ZFP30: variants seen among roughly 807,000 people sequenced by gnomAD.
ZFP30 encodes zinc finger protein 30 homolog.
In ZFP30, 16 loss-of-function variants were observed where a neutral mutation model predicts 12.3. The ratio of observed to expected loss-of-function variants is 1.30; its 90% confidence interval spans 0.88 to 1.98. The LOEUF (loss-of-function observed/expected upper bound fraction) is 1.98. ZFP30 is among the 30% of genes most tolerant of loss of function. ZFP30 has a pLI of 0.00. For missense variants in ZFP30, 560 were observed against 611.2 expected (o/e 0.92, Z 0.88); for synonymous variants, 172 against 201.0 (o/e 0.86, Z 1.22).
At chr19:37,652,576 T>A (rs954870535) in intron 2 of ZFP30, among the ~76,000 whole-genome samples, 4 of 151,912 alleles carry the variant, frequency 2.6e-5, no homozygotes, top group Non-Finnish European at 4.4e-5. Context: ...CTCAAAAAAA[T>A]AAATAAATAA....
rs185452982 is a variant in ZFP30 at position 37,649,541 on chromosome 19, A to T, written c.-77-1642T>A. On this transcript the variant is annotated intron_variant, in intron 2 of 5. Transcript: ENST00000684514. ...TTATCATGCATTCACACAATGGAAA[A>T]TTAAACAGCCGAGTGCAGTGGCTCA... Among the ~76,000 whole-genome samples, 425 of 152,308 alleles carry T rather than the reference A, an allele frequency of 2.8e-3. 3 individuals are homozygous for T. The highest frequency in any genetic ancestry group is 9.8e-3 in the African/African-American group (408 of 41,574).
At chr19:37,650,206 C>T (rs1413738262) in intron 2 of ZFP30, among the ~76,000 whole-genome samples, 1 of 151,902 alleles carries the variant, frequency 6.6e-6, no homozygotes. Context: ...GCAACCTCCA[C>T]TTCCAGGGCT....
rs2147245816 is a variant in ZFP30 at position 37,631,737 on chromosome 19, A to G, written c.*3244T>C. On this transcript the variant is annotated 3_prime_UTR_variant, in exon 6 of 6. Transcript: ENST00000684514. ...TGAATTGAGATGATACTGGGCCAGA[A>G]TCGTATCTCTTTTACTATCATTATG... 6.6e-6 allele frequency: 1 copy of G among 151,880 alleles called. No homozygotes were observed. The highest frequency in any genetic ancestry group is 1.9e-4 in the East Asian group (1 of 5,174). 9.4% of individuals were successfully genotyped at this position (151,880 alleles called of 1,614,324 possible). A position where few individuals can be genotyped will look rare whatever the true frequency, so the allele number is the denominator to read the frequency against.
At chr19:37,643,785 T>A (rs1348131090) in intron 4 of ZFP30, among the ~76,000 whole-genome samples, 1 of 152,258 alleles carries the variant, frequency 6.6e-6, no homozygotes, top group Non-Finnish European at 1.5e-5. Context: ...TTTTTGATTT[T>A]TTTTTTAAAG....
chr19:37,652,503 G>C (rs2044671316), intron 2 of ZFP30, among the ~76,000 whole-genome samples: 1 of 152,192 alleles, frequency 6.6e-6, no homozygotes, highest in East Asian at 1.9e-4. Context: ...GGGAGGCGGA[G>C]GTTGCAGTGG....
Position 37,634,916 on chromosome 19 carries a change from C to A in ZFP30, c.*65G>T. On this transcript the variant is annotated 3_prime_UTR_variant, in exon 6 of 6. Coordinates refer to ENST00000684514, the MANE Select transcript of ZFP30 (RefSeq NM_001320669.3). ...AAAAGGGATTCCCACGTTCAAAAACCTTTCCTCTAGAATGTACTTCCTATG... is the reference window on the plus strand; with the variant it reads ...AAAAGGGATTCCCACGTTCAAAAACATTTCCTCTAGAATGTACTTCCTATG... 6.9e-7 allele frequency: 1 copy of A among 1,448,228 alleles called. No homozygotes were observed. Among genetic ancestry groups the A allele is most frequent in the Non-Finnish European group, 9.1e-7 (1 of 1,101,690 alleles). The allele number at this position is 1,448,228 out of a possible 1,614,324, so 89.7% of individuals were successfully genotyped here.
chr19:37,652,876 G>C (rs2044679246), intron 2 of ZFP30, among the ~76,000 whole-genome samples: 1 of 152,012 alleles, frequency 6.6e-6, no homozygotes, highest in Non-Finnish European at 1.5e-5. Context: ...CCAACACTTT[G>C]GGAGGCCGAG....
At chr19:37,644,831 T>C in intron 3 of ZFP30, 95 bp from the exon 4 acceptor site, 1 of 1,297,134 alleles carries the variant, frequency 7.7e-7, no homozygotes, top group Non-Finnish European at 1.0e-6. Context: ...ATGCTTATAA[T>C]TCTAGCTTTG....
rs2044251912 is a variant in ZFP30, at chr19:37,632,701, T to G, written c.*2280A>C. 6.6e-6 allele frequency: 1 copy of G among 152,222 alleles called. No individual in the cohort carries two copies. The highest frequency in any genetic ancestry group is 2.4e-5 in the African/African-American group (1 of 41,454). The allele number at this position is 152,222 out of a possible 1,614,324, so 9.4% of individuals were successfully genotyped here. ...TTTTAAAATAACTAAGTCTTCAGAA[T>G]CTTGTGTTTTACAAAAAAACACCAT... On this transcript the variant is annotated 3_prime_UTR_variant, in exon 6 of 6. Coordinates refer to ENST00000684514, the MANE Select transcript of ZFP30 (RefSeq NM_001320669.3).
chr19:37,653,801 T>C (rs1360843112), intron 2 of ZFP30, among the ~76,000 whole-genome samples: 3 of 152,208 alleles, frequency 2.0e-5, no homozygotes, highest in Non-Finnish European at 2.9e-5. Context: ...TACAAATACA[T>C]ACAACAATTC....
At position 37,639,562 on chromosome 19, in the gene ZFP30, G is replaced by A. The variant is rs1341052661; in HGVS notation, c.236-3257C>T. Among the ~76,000 whole-genome samples the A allele has an allele frequency of 2.0e-5, 3 of 152,016 alleles. No homozygotes were observed. The East Asian group carries it at 5.8e-4, about 29-fold the overall frequency. On this transcript the variant is annotated intron_variant, in intron 5 of 5. Transcript: ENST00000684514. ...AGGCCAGGAAGTCAAGACCAGCCTG[G>A]CCAATGTAATGAGACCCCAATCTCG...
At chr19:37,644,883 G>C in intron 3 of ZFP30, 147 bp from the exon 4 acceptor site, 1 of 740,800 alleles carries the variant, frequency 1.3e-6, no homozygotes, top group Middle Eastern at 3.9e-4. Context: ...AGGAGTTTGA[G>C]ACCAGCCTAG....
rs1468605380 is a variant in ZFP30, at chr19:37,634,602, G to T, written c.*379C>A. ...TAACTTCTGGTTGCCCTGAAATACA[G>T]TTCCTACAGGAAATGCAGACTAAAT... On this transcript the variant is annotated 3_prime_UTR_variant, in exon 6 of 6. Transcript: ENST00000684514. 6.0e-6 allele frequency: 1 copy of T among 167,622 alleles called. No homozygotes were observed. The highest frequency in any genetic ancestry group is 1.3e-5 in the Non-Finnish European group (1 of 79,152). The allele number at this position is 167,622 out of a possible 1,614,324, so 10.4% of individuals were successfully genotyped here.
In ZFP30 at chr19:37,636,857, T is replaced by C. The variant is rs186440256; in HGVS notation, c.236-552A>G. Among the ~76,000 whole-genome samples, 18 of 151,876 alleles carry C rather than the reference T, an allele frequency of 1.2e-4. No homozygotes were observed. In the East Asian group the frequency reaches 2.5e-3, roughly 21 times the overall value. On this transcript the variant is annotated intron_variant, in intron 5 of 5. Transcript: ENST00000684514. The stretch of plus-strand genomic sequence containing the variant: ...TCCCTAGTAGCTGGAATTACAGGAG[T>C]GCGCCACCATACTTGGCTAACTTTT...
intron 3 of ZFP30, among the ~76,000 whole-genome samples, chr19:37,646,399 A>T (rs1387406885): frequency 6.6e-6 from 1 of 152,218 alleles, no homozygotes; most frequent in Non-Finnish European, 1.5e-5. Flanking sequence ...AATGCCCAAT[A>T]TTCTAGTTTA....
chr19:37,644,642 A>T lies in ZFP30; in HGVS notation c.104T>A (p.Ile35Lys), dbSNP rs760324224. Residue 35 changes from isoleucine (I) to lysine (K), a missense_variant, in exon 4 of 6, where the codon ATA becomes AAA. By Grantham distance (102) the Ile-to-Lys change is moderately radical. Transcript: ENST00000684514. ...SYQRNLYRDV[I>K]LENYSNLVSL... ...CACCAAGTTGCTATAGTTCTCTAAT[A>T]TCACATCTCTGTACAAATTCCTCTG... The T allele has an allele frequency of 6.2e-7, 1 of 1,611,034 alleles. No individual in the cohort carries two copies. The highest frequency in any genetic ancestry group is 1.1e-5 in the South Asian group (1 of 90,430).
chr19:37,637,600 G>A (rs113332943), intron 5 of ZFP30, among the ~76,000 whole-genome samples: 5,638 of 151,860 alleles, frequency 0.037, 347 homozygotes, highest in African/African-American at 0.13. Context: ...AGCAATTCTC[G>A]TGTCTCAGCC....
rs1358896784 is a variant in ZFP30, at chr19:37,632,759, A to G, written c.*2222T>C. The G allele has an allele frequency of 6.6e-6, 1 of 152,238 alleles. No individual in the cohort carries two copies. The highest frequency in any genetic ancestry group is 1.5e-5 in the Non-Finnish European group (1 of 68,044). 9.4% of individuals were successfully genotyped at this position (152,238 alleles called of 1,614,324 possible). A position where few individuals can be genotyped will look rare whatever the true frequency, so the allele number is the denominator to read the frequency against. On this transcript the variant is annotated 3_prime_UTR_variant, in exon 6 of 6. Transcript: ENST00000684514. ...TGGACTAGCCACATTTCAGTGCTCA[A>G]TAACTCAATTTCAAGTGCTCAACAG...
chr19:37,636,211 TTTAA>T lies in ZFP30; in HGVS notation c.326_329del (p.Ile109LysfsTer19). 1 of 1,614,128 alleles carries T rather than the reference TTTAA, an allele frequency of 6.2e-7. No homozygotes were observed. The highest frequency in any genetic ancestry group is 8.5e-7 in the Non-Finnish European group (1 of 1,180,022). ...TTTCTTGTTCTTCAAGTCCACAGCTTTTAATTCTTTCCATTACCTTCCACTGAGA... is the reference window on the plus strand; with the variant it reads ...TTTCTTGTTCTTCAAGTCCACAGCTTTTCTTTCCATTACCTTCCACTGAGA... On this transcript the variant is annotated frameshift_variant, in exon 6 of 6. Transcript: ENST00000684514. LOFTEE classifies it low-confidence loss of function (END_TRUNC).
Sources: allele counts gnomAD v4.1 joint callset (sites outside exome capture counted in the v4.1 genomes callset), GRCh38; gene constraint gnomAD v4.1.1; transcripts MANE v1.5; gene names NCBI Gene and HGNC (gene_info 2026-07-23, HGNC 2026-07-21).